NDUFAF2: variants seen among roughly 807,000 people sequenced by gnomAD.
NDUFAF2 encodes the protein NADH:ubiquinone oxidoreductase complex assembly factor 2, also known as NADH dehydrogenase [ubiquinone] 1 alpha subcomplex assembly factor 2.
A neutral mutation model predicts 22.8 loss-of-function variants in NDUFAF2; 13 were observed. That is an observed-to-expected ratio of 0.57 (90% CI 0.37 to 0.91). NDUFAF2 has a LOEUF of 0.91. NDUFAF2 is among the 40% of genes least tolerant of loss of function. The pLI is 0.01. For missense variants in NDUFAF2, 162 were observed against 195.2 expected (o/e 0.83, Z 1.01); for synonymous variants, 53 against 64.2 (o/e 0.83, Z 0.84).
At chr5:61,008,395 G>C (rs1304198111) in intron 1 of NDUFAF2, among the ~76,000 whole-genome samples, 2 of 152,138 alleles carry the variant, frequency 1.3e-5, no homozygotes, top group Admixed American at 1.3e-4. Flanking sequence ...ACAAGCAAGT[G>C]TATACAGATA....
At chr5:61,146,115 C>T (rs990977277) in intron 3 of NDUFAF2, 1 of 152,144 alleles carries the variant, frequency 6.6e-6, no homozygotes, top group African/African-American at 2.4e-5. Context: ...GAGGGCTGCA[C>T]GTGGTAACAA....
At chr5:61,124,811 T>C (rs1016204859) in intron 3 of NDUFAF2, among the ~76,000 whole-genome samples, 1 of 152,094 alleles carries the variant, frequency 6.6e-6, no homozygotes, top group Non-Finnish European at 1.5e-5. Flanking sequence ...TTAGTTCGTT[T>C]TCACATTGCT....
chr5:60,983,964 G>A (rs559904634), intron 1 of NDUFAF2, among the ~76,000 whole-genome samples: 32 of 152,132 alleles, frequency 2.1e-4, no homozygotes, highest in East Asian at 7.8e-4. Flanking sequence ...GATGGGGATG[G>A]CATTGAATCT....
intron 1 of NDUFAF2, among the ~76,000 whole-genome samples, chr5:60,967,251 AT>A (rs546472303): frequency 7.9e-5 from 12 of 151,886 alleles, no homozygotes; most frequent in Non-Finnish European, 1.5e-4. Context: ...CATTTTTAGA[AT>A]TTTTTAAGAA....
intron 1 of NDUFAF2, among the ~76,000 whole-genome samples, chr5:60,977,843 A>AAAG (rs1357204892): frequency 6.6e-6 from 1 of 151,572 alleles, no homozygotes; most frequent in Non-Finnish European, 1.5e-5. Context: ...TCTCAAAAAA[A>AAAG]AAAAAAAAAG....
rs541316148 is a variant in NDUFAF2, at chr5:60,979,100, C to T, written c.127+33718C>T. ...AGTTTTGAAGGGAAATACCTGGTCCCTGCAGGATTTATTACTTGCTGACAA... is the reference window on the plus strand; with the variant it reads ...AGTTTTGAAGGGAAATACCTGGTCCTTGCAGGATTTATTACTTGCTGACAA... On this transcript the variant is annotated intron_variant, in intron 1 of 3. Coordinates refer to ENST00000296597, the MANE Select transcript of NDUFAF2 (RefSeq NM_174889.5). Among the ~76,000 whole-genome samples, 4 of 152,260 alleles carry T rather than the reference C, an allele frequency of 2.6e-5. No homozygotes were observed. The South Asian group carries it at 8.3e-4, about 32-fold the overall frequency.
intron 1 of NDUFAF2, among the ~76,000 whole-genome samples, chr5:61,009,339 A>G (rs1751413947): frequency 6.6e-6 from 1 of 152,058 alleles, no homozygotes; most frequent in Admixed American, 6.6e-5. Flanking sequence ...TCCAAGAGGG[A>G]AAGTAGAGGT....
intron 1 of NDUFAF2, among the ~76,000 whole-genome samples, chr5:61,023,013 A>T (rs576370136): frequency 3.7e-4 from 56 of 152,056 alleles, no homozygotes; most frequent in Non-Finnish European, 7.4e-4. Flanking sequence ...TAATTTATTT[A>T]TTCTGATTTT....
intron 2 of NDUFAF2, among the ~76,000 whole-genome samples, chr5:61,074,393 C>T (rs1005745200): frequency 3.3e-5 from 5 of 152,042 alleles, no homozygotes; most frequent in Non-Finnish European, 5.9e-5. Context: ...TTAAGATCAT[C>T]CTGGCCAACA....
At chr5:61,143,962 G>T (rs879912427) in intron 3 of NDUFAF2, among the ~76,000 whole-genome samples, 11 of 11,618 alleles carry the variant, frequency 9.5e-4, no homozygotes, top group African/African-American at 1.9e-3. Flanking sequence ...GCATATTTTT[G>T]TGTGTGTGTG....
At chr5:61,108,859 A>G (rs758172893) in intron 3 of NDUFAF2, among the ~76,000 whole-genome samples, 11 of 152,146 alleles carry the variant, frequency 7.2e-5, no homozygotes, top group African/African-American at 1.9e-4. Flanking sequence ...TTTGGTTACT[A>G]TCACTGTATA....
intron 3 of NDUFAF2, among the ~76,000 whole-genome samples, chr5:61,106,839 C>G (rs1201182648): frequency 6.6e-6 from 1 of 151,042 alleles, no homozygotes; most frequent in Non-Finnish European, 1.5e-5. Flanking sequence ...CAGTTCTATC[C>G]ATGTTGTTGC....
At chr5:61,049,884 T>TACAC (rs1391006523) in intron 1 of NDUFAF2, among the ~76,000 whole-genome samples, 1 of 69,400 alleles carries the variant, frequency 1.4e-5, no homozygotes, top group African/African-American at 7.6e-5. Context: ...CAATTTAAAT[T>TACAC]ATACACACAC....
chr5:61,117,939 T>C (rs572606501), intron 3 of NDUFAF2, among the ~76,000 whole-genome samples: 1 of 152,300 alleles, frequency 6.6e-6, no homozygotes, highest in South Asian at 2.1e-4. Context: ...CTGGTAATGA[T>C]CAATGGTTTT....
intron 1 of NDUFAF2, among the ~76,000 whole-genome samples, chr5:61,048,210 G>T (rs116157056): frequency 5.9e-5 from 9 of 152,086 alleles, no homozygotes; most frequent in African/African-American, 2.2e-4. Flanking sequence ...ACAATTTGGA[G>T]AGTTTTGAAA....
At chr5:61,060,861 C>G (rs914535412) in intron 1 of NDUFAF2, among the ~76,000 whole-genome samples, 4 of 152,106 alleles carry the variant, frequency 2.6e-5, no homozygotes. Flanking sequence ...GGAAGAAAAT[C>G]CCTCCTCCAC....
intron 3 of NDUFAF2, among the ~76,000 whole-genome samples, chr5:61,113,343 G>T (rs1436393477): frequency 6.6e-6 from 1 of 152,126 alleles, no homozygotes. Flanking sequence ...GAGAGGTCTG[G>T]TGTTGAAATT....
At chr5:60,964,333 A>G (rs1750727046) in intron 1 of NDUFAF2, among the ~76,000 whole-genome samples, 1 of 152,104 alleles carries the variant, frequency 6.6e-6, no homozygotes, top group Non-Finnish European at 1.5e-5. Context: ...TAATGTTTTG[A>G]TATATGTATA....
At chr5:60,971,010 G>A (rs1013613062) in intron 1 of NDUFAF2, among the ~76,000 whole-genome samples, 5 of 151,838 alleles carry the variant, frequency 3.3e-5, no homozygotes, top group African/African-American at 1.2e-4. Context: ...TTCATTGAGT[G>A]GTGGTTCTGT....
Sources: gnomAD v4.1 joint callset for allele counts (sites outside exome capture counted in the v4.1 genomes callset) on GRCh38, gnomAD v4.1.1 for gene constraint, MANE v1.5 for transcripts, NCBI Gene and HGNC (gene_info 2026-07-23, HGNC 2026-07-21) for gene names.